The following DPF3 variants were observed in gnomAD, a reference collection of about 807,000 sequenced individuals.
DPF3 encodes zinc finger protein DPF3.
A neutral mutation model predicts 56.8 loss-of-function variants in DPF3; 18 were observed. The observed-to-expected ratio is 0.32, with a 90% confidence interval of 0.22 to 0.47. DPF3 has a LOEUF of 0.47. DPF3 is among the 20% of genes least tolerant of loss of function. The pLI, the probability that DPF3 is intolerant of heterozygous loss-of-function variation, is 1.00. For synonymous variants in DPF3, 188 were observed against 180.2 expected, an observed-to-expected ratio of 1.04 and a Z score of -0.35; for missense variants, 403 against 488.8, an observed-to-expected ratio of 0.82 and a Z score of 1.65.
At chr14:72,754,595 C>A (rs1247701053) in intron 2 of DPF3, among the ~76,000 whole-genome samples, 1 of 152,218 alleles carries the variant, frequency 6.6e-6, no homozygotes, top group African/African-American at 2.4e-5. Context: ...TCACTGTGCA[C>A]ACCTAGGACC....
chr14:72,780,982 T>C (rs1891945759), intron 1 of DPF3, among the ~76,000 whole-genome samples: 1 of 152,220 alleles, frequency 6.6e-6, no homozygotes, highest in Non-Finnish European at 1.5e-5. Flanking sequence ...TTCTAGAGGC[T>C]TGGGATGTGA....
chr14:72,680,489 G>A (rs918895781), intron 7 of DPF3, among the ~76,000 whole-genome samples: 5 of 152,246 alleles, frequency 3.3e-5, no homozygotes, highest in Non-Finnish European at 5.9e-5. Flanking sequence ...CCCTCCAATC[G>A]TCAGAGCCCT....
At chr14:72,857,638 G>T (rs1395632356) in intron 1 of DPF3, among the ~76,000 whole-genome samples, 1 of 152,182 alleles carries the variant, frequency 6.6e-6, no homozygotes, top group African/African-American at 2.4e-5. Flanking sequence ...CCAGGTTGGA[G>T]TGCAGGGGCG....
chr14:72,806,111 G>T (rs1007980454), intron 1 of DPF3: 2 of 152,110 alleles, frequency 1.3e-5, no homozygotes, highest in African/African-American at 4.8e-5. Flanking sequence ...TCATCAAAGG[G>T]CCTATCTAGC....
intron 2 of DPF3, among the ~76,000 whole-genome samples, chr14:72,770,785 A>G (rs902254117): frequency 7.2e-5 from 11 of 152,248 alleles, no homozygotes; most frequent in African/African-American, 2.4e-4. Context: ...AGCCAGAAAA[A>G]TCACATTCCT....
At chr14:72,695,221 C>A (rs560630829) in intron 6 of DPF3, among the ~76,000 whole-genome samples, 2 of 152,262 alleles carry the variant, frequency 1.3e-5, no homozygotes, top group East Asian at 1.9e-4. Flanking sequence ...ACTTATCTTG[C>A]AGGATGGGTA....
At chr14:72,671,211 C>T (rs200050454) in intron 8 of DPF3, 1 of 1,613,982 alleles carries the variant, frequency 6.2e-7, no homozygotes, top group Non-Finnish European at 8.5e-7. Context: ...GAGGCTCTTC[C>T]AAATCGTCCT....
At chr14:72,702,550 A>G (rs1888216070) in intron 6 of DPF3, among the ~76,000 whole-genome samples, 1 of 152,126 alleles carries the variant, frequency 6.6e-6, no homozygotes, top group Non-Finnish European at 1.5e-5. Flanking sequence ...CCATTTGGAC[A>G]CATATTCACA....
intron 1 of DPF3, among the ~76,000 whole-genome samples, chr14:72,841,138 CTG>C (rs2140068203): frequency 9.5e-6 from 1 of 104,998 alleles, no homozygotes; most frequent in East Asian, 2.8e-4. Context: ...TGCTGTAATT[CTG>C]TGAGATGTTG....
chr14:72,693,559 G>T (rs1359827844), intron 6 of DPF3, among the ~76,000 whole-genome samples: 1 of 152,178 alleles, frequency 6.6e-6, no homozygotes, highest in Non-Finnish European at 1.5e-5. Context: ...ACCTCACAGG[G>T]TCATTGTGAT....
chr14:72,764,780 C>T (rs545158697), intron 2 of DPF3, among the ~76,000 whole-genome samples: 27 of 152,222 alleles, frequency 1.8e-4, no homozygotes, highest in African/African-American at 5.1e-4. Flanking sequence ...CGTGAGCCAC[C>T]GCGCCCGGCC....
intron 8 of DPF3, among the ~76,000 whole-genome samples, chr14:72,660,203 T>C (rs187672124): frequency 1.3e-5 from 2 of 152,006 alleles, no homozygotes; most frequent in Non-Finnish European, 2.9e-5. Flanking sequence ...GCAAATTTTA[T>C]GTAATGCATA....
chr14:72,630,598 G>A (rs1442234232), intron 8 of DPF3, among the ~76,000 whole-genome samples: 1 of 152,172 alleles, frequency 6.6e-6, no homozygotes, highest in Non-Finnish European at 1.5e-5. Context: ...GCAGGGAGAG[G>A]ACGGCCATGA....
chr14:72,799,811 T>C (rs1437449735), intron 1 of DPF3, among the ~76,000 whole-genome samples: 2 of 151,996 alleles, frequency 1.3e-5, no homozygotes, highest in Non-Finnish European at 2.9e-5. Context: ...TAACAATATA[T>C]ACCTGAAGCA....
At chr14:72,877,448 C>T (rs1477759087) in intron 1 of DPF3, among the ~76,000 whole-genome samples, 1 of 152,112 alleles carries the variant, frequency 6.6e-6, no homozygotes, top group African/African-American at 2.4e-5. Context: ...TTCTGCATTT[C>T]TCAGGGAATC....
At chr14:72,622,364 T>TA (rs1231895282) in intron 9 of DPF3, among the ~76,000 whole-genome samples, 4 of 152,134 alleles carry the variant, frequency 2.6e-5, no homozygotes, top group African/African-American at 9.7e-5. Context: ...CACTGTAGTT[T>TA]ACGCCAAAAC....
chr14:72,892,418 A>G, intron 1 of DPF3: 1 of 1,480,760 alleles, frequency 6.8e-7, no homozygotes, highest in Non-Finnish European at 8.9e-7. Flanking sequence ...TGAAGCCAGG[A>G]GCTCCTATCT....
intron 4 of DPF3, among the ~76,000 whole-genome samples, chr14:72,729,500 C>T (rs780511474): frequency 6.6e-6 from 1 of 151,998 alleles, no homozygotes; most frequent in Non-Finnish European, 1.5e-5. Context: ...GGGGCGGTAG[C>T]GGGTTCTGAG....
At chr14:72,816,830 CTG>C (rs1352898630) in intron 1 of DPF3, among the ~76,000 whole-genome samples, 1 of 152,188 alleles carries the variant, frequency 6.6e-6, no homozygotes, top group African/African-American at 2.4e-5. Flanking sequence ...TCTTTTATTT[CTG>C]GTTAAAGCAG....
Sources: gnomAD v4.1 joint callset for allele counts (sites outside exome capture counted in the v4.1 genomes callset) on GRCh38, gnomAD v4.1.1 for gene constraint, MANE v1.5 for transcripts, NCBI Gene and HGNC (gene_info 2026-07-23, HGNC 2026-07-21) for gene names.